Variants in GPC6 observed in about 807,000 individuals in gnomAD.
The protein encoded by GPC6 is glypican 6.
In GPC6, 14 loss-of-function variants were observed where a neutral mutation model predicts 55.2. The ratio of observed to expected loss-of-function variants is 0.25; its 90% confidence interval spans 0.17 to 0.40. GPC6 has a LOEUF of 0.40. Ranked by LOEUF, GPC6 falls within the 10% of genes least tolerant of loss-of-function variation. The pLI, the probability that GPC6 is intolerant of heterozygous loss-of-function variation, is 1.00. For synonymous variants in GPC6, 278 were observed against 259.6 expected (o/e 1.07, Z -0.68); for missense variants, 641 against 708.5 (o/e 0.90, Z 1.08).
chr13:93,549,722 G>A (rs1397813487), intron 2 of GPC6, among the ~76,000 whole-genome samples: 1 of 151,870 alleles, frequency 6.6e-6, no homozygotes, highest in Non-Finnish European at 1.5e-5. Flanking sequence ...TGGGGAGGAT[G>A]TGGAAATGAC....
chr13:93,968,831 T>TA (rs150163310), intron 3 of GPC6, among the ~76,000 whole-genome samples: 1,569 of 152,232 alleles, frequency 0.01, 7 homozygotes, highest in Middle Eastern at 0.017. Flanking sequence ...AATAACAAAT[T>TA]AGAGTTTAAT....
chr13:93,941,060 T>G (rs368054924), intron 3 of GPC6, among the ~76,000 whole-genome samples: 5 of 152,292 alleles, frequency 3.3e-5, no homozygotes, highest in African/African-American at 1.2e-4. Flanking sequence ...CTCATAAAAC[T>G]TAATCATTAA....
intron 4 of GPC6, among the ~76,000 whole-genome samples, chr13:94,155,532 A>T (rs1439465683): frequency 6.6e-6 from 1 of 152,138 alleles, no homozygotes; most frequent in Non-Finnish European, 1.5e-5. Context: ...ATATTTTATC[A>T]AATGTAGATC....
At chr13:93,601,583 A>T (rs1878017899) in intron 2 of GPC6, among the ~76,000 whole-genome samples, 1 of 152,090 alleles carries the variant, frequency 6.6e-6, no homozygotes, top group South Asian at 2.1e-4. Context: ...CTGACATAAA[A>T]CCATCTCATG....
intron 4 of GPC6, among the ~76,000 whole-genome samples, chr13:94,195,373 T>C (rs1889539115): frequency 6.6e-6 from 1 of 152,218 alleles, no homozygotes; most frequent in African/African-American, 2.4e-5. Flanking sequence ...AGTGCAACCA[T>C]TGAGGACCAG....
chr13:93,653,724 T>A (rs561563639), intron 2 of GPC6, among the ~76,000 whole-genome samples: 1 of 152,206 alleles, frequency 6.6e-6, no homozygotes, highest in East Asian at 1.9e-4. Context: ...GTAGATTTAA[T>A]CTCAAAGCTC....
At chr13:94,347,306 T>G (rs960716342) in intron 6 of GPC6, among the ~76,000 whole-genome samples, 4 of 152,170 alleles carry the variant, frequency 2.6e-5, no homozygotes, top group African/African-American at 9.7e-5. Context: ...GGAAATAAAT[T>G]AAGTGACAAA....
At chr13:94,059,828 T>C (rs1156780581) in intron 4 of GPC6, among the ~76,000 whole-genome samples, 1 of 151,860 alleles carries the variant, frequency 6.6e-6, no homozygotes, top group Admixed American at 6.6e-5. Flanking sequence ...CTTCATGACC[T>C]AATCCTCCCA....
At chr13:93,744,462 A>G (rs1346042757) in intron 2 of GPC6, among the ~76,000 whole-genome samples, 2 of 149,070 alleles carry the variant, frequency 1.3e-5, no homozygotes, top group Non-Finnish European at 3.0e-5. Context: ...GATTCCTACC[A>G]GGACCTTCAA....
At chr13:93,910,105 G>GAATTGTA (rs1255500986) in intron 3 of GPC6, among the ~76,000 whole-genome samples, 2 of 151,924 alleles carry the variant, frequency 1.3e-5, no homozygotes, top group African/African-American at 4.8e-5. Context: ...GATATGGTTT[G>GAATTGTA]GCTGTGTTCC....
At chr13:93,715,039 G>T (rs1011452525) in intron 2 of GPC6, among the ~76,000 whole-genome samples, 1 of 151,600 alleles carries the variant, frequency 6.6e-6, no homozygotes, top group Non-Finnish European at 1.5e-5. Flanking sequence ...CTTGGTTCCA[G>T]ATGGTTTAGG....
intron 4 of GPC6, among the ~76,000 whole-genome samples, chr13:94,248,812 A>T (rs548651347): frequency 5.3e-5 from 8 of 152,240 alleles, no homozygotes; most frequent in African/African-American, 1.9e-4. Context: ...AGTACTATTG[A>T]ATCCACTTTC....
chr13:94,238,609 A>G (rs953597959), intron 4 of GPC6, among the ~76,000 whole-genome samples: 1 of 152,144 alleles, frequency 6.6e-6, no homozygotes, highest in African/African-American at 2.4e-5. Context: ...AATTATAAGA[A>G]GTCTTTTGAG....
At chr13:93,530,971 G>C (rs2139413104) in intron 1 of GPC6, among the ~76,000 whole-genome samples, 1 of 152,196 alleles carries the variant, frequency 6.6e-6, no homozygotes, top group Middle Eastern at 3.4e-3. Context: ...CTCAGAACTG[G>C]AAAGTTGGTT....
At chr13:93,300,670 G>T (rs933596925) in intron 1 of GPC6, among the ~76,000 whole-genome samples, 2 of 146,936 alleles carry the variant, frequency 1.4e-5, no homozygotes, top group East Asian at 4.1e-4. Flanking sequence ...AAAAAGAATA[G>T]GAATGAGGCC....
At chr13:93,479,250 A>G (rs1002680212) in intron 1 of GPC6, among the ~76,000 whole-genome samples, 13 of 152,200 alleles carry the variant, frequency 8.5e-5, no homozygotes, top group Admixed American at 3.9e-4. Context: ...ACCAGATCCA[A>G]AAACTATAGA....
At chr13:94,321,217 G>C (rs1225553492) in intron 6 of GPC6, among the ~76,000 whole-genome samples, 1 of 152,160 alleles carries the variant, frequency 6.6e-6, no homozygotes, top group Admixed American at 6.5e-5. Flanking sequence ...GTGGCCTCCA[G>C]TTCTATCCAT....
chr13:94,036,198 C>T (rs920142337), intron 4 of GPC6, among the ~76,000 whole-genome samples: 1 of 151,928 alleles, frequency 6.6e-6, no homozygotes, highest in Non-Finnish European at 1.5e-5. Context: ...TTAAAAATAT[C>T]GTGTCCATAG....
At chr13:93,703,105 T>A (rs1243350205) in intron 2 of GPC6, among the ~76,000 whole-genome samples, 1 of 151,996 alleles carries the variant, frequency 6.6e-6, no homozygotes, top group Non-Finnish European at 1.5e-5. Context: ...TAGTTTTTTA[T>A]TTAAAATAAG....
Sources: gnomAD v4.1 joint callset for allele counts (sites outside exome capture counted in the v4.1 genomes callset) on GRCh38, gnomAD v4.1.1 for gene constraint, MANE v1.5 for transcripts, NCBI Gene and HGNC (gene_info 2026-07-23, HGNC 2026-07-21) for gene names.